Variants in TBC1D19 observed in about 807,000 individuals in gnomAD.
TBC1D19 encodes TBC1 domain family member 19.
In TBC1D19, 60 loss-of-function variants were observed where a neutral mutation model predicts 89.0. The ratio of observed to expected loss-of-function variants is 0.67; its 90% CI spans 0.55 to 0.84. TBC1D19 has a LOEUF of 0.84. TBC1D19 is among the 40% of genes least tolerant of loss of function. The pLI, the probability that TBC1D19 is intolerant of heterozygous loss-of-function variation, is 0.00. For missense variants in TBC1D19, 500 were observed against 610.8 expected, an observed-to-expected ratio of 0.82 and a Z score of 1.91; for synonymous variants, 189 against 199.7, an observed-to-expected ratio of 0.95 and a Z score of 0.45.
At chr4:26,718,294 G>T in intron 14 of TBC1D19, among the ~76,000 whole-genome samples, 1 of 48,038 alleles carries the variant, frequency 2.1e-5, no homozygotes, top group Non-Finnish European at 4.2e-5. Context: ...CATATCTGTT[G>T]ACTTTTCTTT....
At chr4:26,747,247 T>C (rs1718700902) in intron 18 of TBC1D19, among the ~76,000 whole-genome samples, 1 of 152,172 alleles carries the variant, frequency 6.6e-6, no homozygotes, top group Admixed American at 6.5e-5. Flanking sequence ...TCCTCAAATA[T>C]GACACTATGA....
At chr4:26,658,499 A>G (rs1481611285) in intron 7 of TBC1D19, among the ~76,000 whole-genome samples, 2 of 152,132 alleles carry the variant, frequency 1.3e-5, no homozygotes, top group East Asian at 1.9e-4. Context: ...GCCTTGTAGT[A>G]TAGTTTGAAG....
chr4:26,647,218 G>T (rs1161599878), intron 7 of TBC1D19, among the ~76,000 whole-genome samples: 1 of 152,166 alleles, frequency 6.6e-6, no homozygotes, highest in Admixed American at 6.5e-5. Context: ...TAATTGGCTA[G>T]AAGTTACTTG....
chr4:26,722,929 G>A (rs1270653246), intron 15 of TBC1D19, among the ~76,000 whole-genome samples: 6 of 152,140 alleles, frequency 3.9e-5, no homozygotes, highest in Non-Finnish European at 8.8e-5. Flanking sequence ...AAGCTGTCTG[G>A]CTTCAGAAGC....
At chr4:26,673,550 T>A (rs531224543) in intron 10 of TBC1D19, among the ~76,000 whole-genome samples, 1 of 151,028 alleles carries the variant, frequency 6.6e-6, no homozygotes, top group Non-Finnish European at 1.5e-5. Flanking sequence ...TCCCTCCTTA[T>A]CCACACTGGG....
the TBC1D19 span, among the ~76,000 whole-genome samples, chr4:26,806,733 G>A: frequency 7.2e-5 from 11 of 152,234 alleles, no homozygotes; most frequent in Admixed American, 3.3e-4. Context: ...ATTAGAGTAG[G>A]CCCTAAAACC....
chr4:26,659,067 C>G (rs923928151), intron 7 of TBC1D19, among the ~76,000 whole-genome samples: 4 of 152,158 alleles, frequency 2.6e-5, no homozygotes, highest in East Asian at 1.9e-4. Context: ...ATTTGAATAC[C>G]CTTTATTTCT....
intron 13 of TBC1D19, among the ~76,000 whole-genome samples, chr4:26,717,373 A>G (rs963052341): frequency 6.6e-6 from 1 of 151,864 alleles, no homozygotes; most frequent in African/African-American, 2.4e-5. Flanking sequence ...CTGACTTTCT[A>G]CTGTGCCTAT....
intron 15 of TBC1D19, among the ~76,000 whole-genome samples, chr4:26,724,238 C>T (rs527301932): frequency 2.6e-5 from 4 of 152,316 alleles, no homozygotes; most frequent in African/African-American, 9.6e-5. Flanking sequence ...AGATAGTTGA[C>T]TTAAAGTCTT....
At chr4:26,838,446 T>C in the TBC1D19 span, among the ~76,000 whole-genome samples, 5 of 152,156 alleles carry the variant, frequency 3.3e-5, no homozygotes, top group African/African-American at 1.2e-4. Context: ...ATATATGACT[T>C]CATGAAAAAC....
the TBC1D19 span, among the ~76,000 whole-genome samples, chr4:26,808,560 C>G: frequency 6.6e-6 from 1 of 151,908 alleles, no homozygotes; most frequent in Non-Finnish European, 1.5e-5. Flanking sequence ...AACCCCTTCT[C>G]TACTAAAATA....
At chr4:26,783,098 C>T in the TBC1D19 span, among the ~76,000 whole-genome samples, 4 of 152,158 alleles carry the variant, frequency 2.6e-5, no homozygotes, top group Non-Finnish European at 5.9e-5. Flanking sequence ...CATAACTAAC[C>T]GCGGGGCTAT....
chr4:26,678,329 C>T (rs1169862960), intron 11 of TBC1D19, among the ~76,000 whole-genome samples: 3 of 152,158 alleles, frequency 2.0e-5, no homozygotes, highest in African/African-American at 4.8e-5. Context: ...CAAGACAAGT[C>T]TCAATTATTT....
chr4:26,590,202 A>C (rs2109945598), intron 1 of TBC1D19, among the ~76,000 whole-genome samples: 1 of 152,328 alleles, frequency 6.6e-6, no homozygotes, highest in South Asian at 2.1e-4. Context: ...TACTACTTGG[A>C]ATTTAATTCA....
chr4:26,764,906 A>G, the TBC1D19 span, among the ~76,000 whole-genome samples: 1 of 152,190 alleles, frequency 6.6e-6, no homozygotes, highest in African/African-American at 2.4e-5. Flanking sequence ...TTTGGAGATG[A>G]TGCCATTTTT....
At chr4:26,741,362 C>CAAAAA (rs34342483) in intron 17 of TBC1D19, among the ~76,000 whole-genome samples, 1 of 73,678 alleles carries the variant, frequency 1.4e-5, no homozygotes, top group Non-Finnish European at 2.6e-5. Flanking sequence ...GACTCTGTCT[C>CAAAAA]AAAAAAAAAA....
intron 8 of TBC1D19, 47 bp downstream of exon 8, chr4:26,659,754 T>C (rs967210605): frequency 1.1e-5 from 14 of 1,284,084 alleles, no homozygotes; most frequent in African/African-American, 2.9e-5. Flanking sequence ...AGATAACCAT[T>C]AGAAAAATGT....
rs573086111 is a variant in TBC1D19, at chr4:26,736,222, T to G, written c.1117+735T>G. Among the ~76,000 whole-genome samples, 3 of 111,978 alleles carry G rather than the reference T, an allele frequency of 2.7e-5. No individual in the cohort carries two copies. In the South Asian group the frequency reaches 1.1e-3, roughly 42 times the overall value. 73.5% of individuals were successfully genotyped at this position (111,978 alleles called of 152,430 possible). On this transcript the variant is annotated intron_variant, in intron 16 of 20. Coordinates refer to ENST00000264866, the MANE Select transcript of TBC1D19 (RefSeq NM_018317.4). ...TGGAATACTATGCAGCCATAAAAAA[T>G]GATGAGTTCATGTCCTTTGTAGGGA...
intron 7 of TBC1D19, among the ~76,000 whole-genome samples, chr4:26,655,673 G>T (rs770816899): frequency 2.6e-5 from 4 of 152,250 alleles, no homozygotes; most frequent in African/African-American, 7.2e-5. Context: ...CTCCGAGCCA[G>T]GCACGGGATA....
Sources: allele counts gnomAD v4.1 joint callset (sites outside exome capture counted in the v4.1 genomes callset), GRCh38; gene constraint gnomAD v4.1.1; transcripts MANE v1.5; gene names NCBI Gene and HGNC (gene_info 2026-07-23, HGNC 2026-07-21).